GABRA3: variants seen among roughly 807,000 people sequenced by gnomAD.
GABRA3 encodes gamma-aminobutyric acid receptor subunit alpha-3.
GABRA3 carries 10 observed loss-of-function variants against 30.1 expected under a neutral mutation model. The ratio of observed to expected loss-of-function variants is 0.33; its 90% CI spans 0.20 to 0.56. The LOEUF (loss-of-function observed/expected upper bound fraction) is 0.56. Among genes scored for constraint, GABRA3 ranks in the 20% least tolerant of loss-of-function variants. GABRA3 has a pLI of 0.89. For synonymous variants in GABRA3, 151 were observed against 146.8 expected (o/e 1.03, Z -0.21); for missense variants, 233 against 392.0 (o/e 0.59, Z 3.42).
chrX:152,342,842 T>C (rs1940335205), intron 3 of GABRA3, among the ~76,000 whole-genome samples: 1 of 111,647 alleles, frequency 9.0e-6, no homozygotes, highest in Admixed American at 9.6e-5. Flanking sequence ...ATATTCTAAG[T>C]ACCCTACCCC....
chrX:152,260,683 T>C (rs1938714084), intron 4 of GABRA3, among the ~76,000 whole-genome samples: 1 of 111,753 alleles, frequency 8.9e-6, no homozygotes, highest in Admixed American at 9.5e-5. Flanking sequence ...GTTACTGAGC[T>C]TGAGGTGCCC....
Position 152,449,325 on chromosome X carries a change from G to T in GABRA3, c.-27+1821C>A, listed in dbSNP as rs1046514285. On this transcript the variant is annotated intron_variant, in intron 1 of 9. Transcript: ENST00000370314. ...TCAACTAGAAATCAGTCAACAAATT[G>T]GATGCTTAGGATAAATTCAAGAACT... 5.4e-5 allele frequency among the ~76,000 whole-genome samples: 6 copies of T among 111,860 alleles called. No individual in the cohort carries two copies. In the East Asian group the frequency reaches 1.1e-3, roughly 21 times the overall value.
chrX:152,368,466 G>A (rs185012740), intron 1 of GABRA3, among the ~76,000 whole-genome samples: 1 of 110,995 alleles, frequency 9.0e-6, no homozygotes, highest in East Asian at 2.8e-4. Flanking sequence ...CAAATGACAA[G>A]ATTTCACTGT....
chrX:152,239,642 G>A (rs1356165173), intron 5 of GABRA3, among the ~76,000 whole-genome samples: 1 of 90,086 alleles, frequency 1.1e-5, no homozygotes, highest in Non-Finnish European at 2.1e-5. Context: ...TCTCTTTGTA[G>A]GTCACTCAGG....
intron 6 of GABRA3, 142 bp downstream of exon 6, chrX:152,224,621 C>A: frequency 2.6e-6 from 1 of 388,970 alleles, no homozygotes; most frequent in East Asian, 3.8e-5. Flanking sequence ...TACTCAACCC[C>A]ACTCTCTGAC....
chrX:152,274,108 C>T (rs1159998103), intron 4 of GABRA3, among the ~76,000 whole-genome samples: 1 of 111,122 alleles, frequency 9.0e-6, no homozygotes, highest in Admixed American at 9.6e-5. Flanking sequence ...GATAAAATAT[C>T]ATTACACTAA....
chrX:152,168,441 G>T lies in GABRA3; in HGVS notation c.1266C>A (p.Pro422=), dbSNP rs1177249818. 1 of 1,212,046 alleles carries T rather than the reference G, an allele frequency of 8.3e-7. No individual in the cohort carries two copies. Among genetic ancestry groups the T allele is most frequent in the Non-Finnish European group, 1.1e-6 (1 of 895,489 alleles). The change falls in exon 10 of 10, where the codon CCC becomes CCA. Residue 422 remains proline (P), a synonymous_variant. Transcript: ENST00000370314. ...EFSTISKGAA[P]SASSTPTIIA... ...TGATTGTTGGGGTTGAGGAGGCACT[G>T]GGAGCAGCGCCCTTGGAGATGGTGG...
At position 152,284,881 on chromosome X, in the gene GABRA3, T is replaced by G. The variant is rs1052490508; in HGVS notation, c.263-146A>C. 2.1e-5 allele frequency: 7 copies of G among 338,731 alleles called. No homozygotes were observed. In the Admixed American group the frequency reaches 2.4e-4, roughly 12 times the overall value. The allele number at this position is 338,731 out of a possible 1,213,427, so 27.9% of individuals were successfully genotyped here. A position where few individuals can be genotyped will look rare whatever the true frequency, so the allele number is the denominator to read the frequency against. Reference sequence around the variant, plus strand: ...TCAAAAACTTCTCATCTGTGCTATCTCTTCACAGGGAACATGCTAGGTACA... The same window carrying G: ...TCAAAAACTTCTCATCTGTGCTATCGCTTCACAGGGAACATGCTAGGTACA... On this transcript the variant is annotated intron_variant, in intron 3 of 9. Coordinates refer to ENST00000370314, the MANE Select transcript of GABRA3 (RefSeq NM_000808.4).
intron 6 of GABRA3, among the ~76,000 whole-genome samples, chrX:152,216,601 T>C (rs185732643): frequency 9.1e-6 from 1 of 109,314 alleles, no homozygotes; most frequent in Admixed American, 9.9e-5. Flanking sequence ...AGATATATCA[T>C]AAAAGTAGAG....
chrX:152,235,508 G>A (rs1317796245), intron 5 of GABRA3, among the ~76,000 whole-genome samples: 3 of 111,228 alleles, frequency 2.7e-5, no homozygotes, highest in African/African-American at 9.8e-5. Context: ...ACAAACAATT[G>A]TCAGAACTAA....
chrX:152,178,883 T>G (rs1046093566), intron 9 of GABRA3, among the ~76,000 whole-genome samples: 1 of 112,083 alleles, frequency 8.9e-6, no homozygotes, highest in Non-Finnish European at 1.9e-5. Flanking sequence ...GTTATTTCTA[T>G]ACTTTTATAC....
At chrX:152,205,524 T>G (rs189835206) in intron 7 of GABRA3, among the ~76,000 whole-genome samples, 111 of 111,820 alleles carry the variant, frequency 9.9e-4, no homozygotes, top group African/African-American at 3.6e-3. Context: ...AAAAAAGAGA[T>G]ACTATTTTAC....
chrX:152,296,537 T>C (rs1441081568), intron 3 of GABRA3, among the ~76,000 whole-genome samples: 1 of 111,580 alleles, frequency 9.0e-6, no homozygotes, highest in African/African-American at 3.3e-5. Context: ...GGCTCTGCAA[T>C]AGACTCATGC....
chrX:152,329,148 A>G (rs749199506), intron 3 of GABRA3, among the ~76,000 whole-genome samples: 52 of 111,852 alleles, frequency 4.6e-4, no homozygotes, highest in African/African-American at 1.6e-3. Flanking sequence ...AGGGACATGA[A>G]GGACCTCTTC....
At chrX:152,447,373 T>G (rs1264339580) in intron 1 of GABRA3, among the ~76,000 whole-genome samples, 1 of 111,794 alleles carries the variant, frequency 8.9e-6, no homozygotes, top group Non-Finnish European at 1.9e-5. Context: ...AGTAACCCTC[T>G]GAAGTAGTCA....
chrX:152,317,425 A>T (rs771325750), intron 3 of GABRA3, among the ~76,000 whole-genome samples: 2 of 111,914 alleles, frequency 1.8e-5, no homozygotes, highest in South Asian at 7.5e-4. Context: ...GACCAAGTCA[A>T]CATAGAAACA....
Position 152,167,324 on chromosome X carries a change from A to T in GABRA3, c.*904T>A, listed in dbSNP as rs188776599. On this transcript the variant is annotated 3_prime_UTR_variant, in exon 10 of 10. Coordinates refer to ENST00000370314, the MANE Select transcript of GABRA3 (RefSeq NM_000808.4). ...GGCTAGTTGCCTTGGCAGGGAGGTG[A>T]CTTTTGTATCTCTCCCATATTTTAA... 8.9e-6 allele frequency: 1 copy of T among 112,231 alleles called. No homozygotes were observed. Among genetic ancestry groups the T allele is most frequent in the Non-Finnish European group, 1.9e-5 (1 of 53,287 alleles). The allele number at this position is 112,231 out of a possible 1,213,427, so 9.2% of individuals were successfully genotyped here.
intron 4 of GABRA3, among the ~76,000 whole-genome samples, chrX:152,262,197 C>T (rs781047829): frequency 8.9e-6 from 1 of 112,440 alleles, no homozygotes; most frequent in East Asian, 2.8e-4. Flanking sequence ...CCATTTTTTC[C>T]TCCTAGGCCT....
At chrX:152,411,767 A>G (rs1746858822) in intron 1 of GABRA3, among the ~76,000 whole-genome samples, 1 of 111,951 alleles carries the variant, frequency 8.9e-6, no homozygotes, top group Non-Finnish European at 1.9e-5. Flanking sequence ...AAATGATGCA[A>G]TCAAGGGAGT....
Sources: gnomAD v4.1 joint callset for allele counts (sites outside exome capture counted in the v4.1 genomes callset) on GRCh38, gnomAD v4.1.1 for gene constraint, MANE v1.5 for transcripts, NCBI Gene and HGNC (gene_info 2026-07-23, HGNC 2026-07-21) for gene names.